The following RNGTT variants were observed in gnomAD, a reference collection of about 807,000 sequenced individuals.
RNGTT encodes the protein mRNA-capping enzyme.
A neutral mutation model predicts 79.3 loss-of-function variants in RNGTT; 33 were observed. That is an observed-to-expected ratio of 0.42 (90% CI 0.32 to 0.56). The LOEUF is 0.56. Ranked by LOEUF, RNGTT falls within the 20% of genes least tolerant of loss-of-function variation. The pLI, the probability that RNGTT is intolerant of heterozygous loss-of-function variation, is 0.17. For synonymous variants in RNGTT, 222 were observed against 235.9 expected (o/e 0.94, Z 0.54); for missense variants, 497 against 739.1 (o/e 0.67, Z 3.80).
At chr6:88,831,106 GAT>G (rs1243871056) in intron 11 of RNGTT, among the ~76,000 whole-genome samples, 2 of 152,098 alleles carry the variant, frequency 1.3e-5, no homozygotes, top group African/African-American at 2.4e-5. Context: ...GCATCATCCT[GAT>G]ACCAAAAACT....
At chr6:88,768,856 T>G (rs915814897) in intron 13 of RNGTT, among the ~76,000 whole-genome samples, 1 of 151,290 alleles carries the variant, frequency 6.6e-6, no homozygotes, top group African/African-American at 2.4e-5. Flanking sequence ...AACCAAAAAG[T>G]CATAAAAGGA....
At chr6:88,801,445 A>C (rs1779779701) in intron 12 of RNGTT, 119 bp downstream of exon 12, 5 of 660,958 alleles carry the variant, frequency 7.6e-6, no homozygotes, top group Non-Finnish European at 1.3e-5. Context: ...TCACAGCAGT[A>C]ATCAATCCCA....
intron 11 of RNGTT, among the ~76,000 whole-genome samples, chr6:88,843,712 C>T (rs1018123502): frequency 5.3e-5 from 8 of 151,170 alleles, no homozygotes; most frequent in Admixed American, 1.3e-4. Flanking sequence ...ACATGCGCCG[C>T]CACACCCGGC....
intron 12 of RNGTT, among the ~76,000 whole-genome samples, chr6:88,784,918 A>T (rs538751211): frequency 6.6e-6 from 1 of 152,218 alleles, no homozygotes; most frequent in South Asian, 2.1e-4. Context: ...GTATTCACAC[A>T]TTTGTATTTG....
intron 13 of RNGTT, among the ~76,000 whole-genome samples, chr6:88,765,017 C>T (rs1778408712): frequency 6.6e-6 from 1 of 151,786 alleles, no homozygotes; most frequent in Non-Finnish European, 1.5e-5. Flanking sequence ...ACGGTGAAAC[C>T]CCGTCTCTAC....
intron 13 of RNGTT, among the ~76,000 whole-genome samples, chr6:88,697,051 T>G (rs1775700632): frequency 6.6e-6 from 1 of 152,168 alleles, no homozygotes; most frequent in South Asian, 2.1e-4. Flanking sequence ...GACTGTTATA[T>G]TCCACATTAA....
At chr6:88,893,041 A>G (rs1253297062) in intron 6 of RNGTT, among the ~76,000 whole-genome samples, 2 of 152,008 alleles carry the variant, frequency 1.3e-5, no homozygotes, top group African/African-American at 4.8e-5. Flanking sequence ...CCATCCCTCT[A>G]CTATTATACC....
chr6:88,912,136 C>T (rs1220966755), intron 4 of RNGTT, among the ~76,000 whole-genome samples: 1 of 151,514 alleles, frequency 6.6e-6, no homozygotes, highest in African/African-American at 2.4e-5. Context: ...GGCATGGTGG[C>T]TCATACCTGT....
At chr6:88,791,464 G>A (rs1020942507) in intron 12 of RNGTT, among the ~76,000 whole-genome samples, 2 of 152,036 alleles carry the variant, frequency 1.3e-5, no homozygotes, top group African/African-American at 4.8e-5. Flanking sequence ...TCAAGTGTGT[G>A]GTAATGTGTT....
intron 8 of RNGTT, among the ~76,000 whole-genome samples, chr6:88,868,167 C>T (rs1326046160): frequency 6.6e-6 from 1 of 151,776 alleles, no homozygotes; most frequent in East Asian, 1.9e-4. Context: ...AAAAACAGCT[C>T]TTTTAAGGCC....
chr6:88,756,070 G>A (rs1426807416), intron 13 of RNGTT, among the ~76,000 whole-genome samples: 3 of 151,180 alleles, frequency 2.0e-5, no homozygotes, highest in Non-Finnish European at 4.4e-5. Context: ...GGAAAGGAAA[G>A]GTAACCAATA....
chr6:88,696,334 GAT>G (rs1562200319), intron 13 of RNGTT, among the ~76,000 whole-genome samples: 1 of 152,018 alleles, frequency 6.6e-6, no homozygotes, highest in Non-Finnish European at 1.5e-5. Context: ...ATTCTAAATG[GAT>G]AGTTGATTTA....
chr6:88,664,020 G>C (rs1378188157), intron 14 of RNGTT, among the ~76,000 whole-genome samples: 1 of 152,178 alleles, frequency 6.6e-6, no homozygotes, highest in Non-Finnish European at 1.5e-5. Flanking sequence ...GGATGAGGGA[G>C]GAGAGTGCTC....
At chr6:88,780,169 C>T (rs1011677666) in intron 12 of RNGTT, among the ~76,000 whole-genome samples, 1 of 152,222 alleles carries the variant, frequency 6.6e-6, no homozygotes, top group Non-Finnish European at 1.5e-5. Context: ...GCCTACAAAA[C>T]ACCTAGTAAA....
intron 13 of RNGTT, among the ~76,000 whole-genome samples, chr6:88,755,394 C>T (rs1777975742): frequency 6.6e-6 from 1 of 151,358 alleles, no homozygotes; most frequent in South Asian, 2.1e-4. Context: ...AAACAAGATC[C>T]AAACAAAAAA....
At position 88,880,146 on chromosome 6, in the gene RNGTT, C is replaced by T. The variant is rs549042188; in HGVS notation, c.896+10349G>A. Among the ~76,000 whole-genome samples, 5 of 151,810 alleles carry T rather than the reference C, an allele frequency of 3.3e-5. No homozygotes were observed. The East Asian group carries it at 9.7e-4, about 29-fold the overall frequency. On this transcript the variant is annotated intron_variant, in intron 8 of 15. Coordinates refer to ENST00000369485, the MANE Select transcript of RNGTT (RefSeq NM_003800.5). ...TCCATGCAGCACCTAACACAGAGCC[C>T]TAGGGGTAAATAAGTTTCCAATATA... is the stretch of plus-strand genomic sequence containing the variant.
At chr6:88,694,272 A>G (rs1337090495) in intron 13 of RNGTT, among the ~76,000 whole-genome samples, 1 of 152,210 alleles carries the variant, frequency 6.6e-6, no homozygotes, top group Non-Finnish European at 1.5e-5. Flanking sequence ...TGTAGAATAT[A>G]AAATCAACAC....
At chr6:88,779,185 A>C (rs574167048) in intron 12 of RNGTT, among the ~76,000 whole-genome samples, 6 of 152,302 alleles carry the variant, frequency 3.9e-5, no homozygotes, top group African/African-American at 1.4e-4. Context: ...GCAAGAGAGA[A>C]TAGGCCCAAG....
chr6:88,955,629 G>A (rs909452556), intron 1 of RNGTT, among the ~76,000 whole-genome samples: 14 of 150,146 alleles, frequency 9.3e-5, no homozygotes, highest in African/African-American at 3.2e-4. Context: ...CAAGGAACTA[G>A]AGAAACAAGA....
Sources: allele counts gnomAD v4.1 joint callset (sites outside exome capture counted in the v4.1 genomes callset), GRCh38; gene constraint gnomAD v4.1.1; transcripts MANE v1.5; gene names NCBI Gene and HGNC (gene_info 2026-07-23, HGNC 2026-07-21).